The following WNT5A variants were observed in gnomAD, a reference collection of about 807,000 sequenced individuals.
WNT5A encodes protein Wnt-5a.
In WNT5A, 9 loss-of-function variants were observed where a neutral mutation model predicts 42.1. The ratio of observed to expected loss-of-function variants is 0.21; its 90% confidence interval spans 0.13 to 0.37. The LOEUF (loss-of-function observed/expected upper bound fraction) is 0.37, where lower values mean the gene tolerates loss of function less well. WNT5A is among the 10% of genes least tolerant of loss of function. The pLI, the probability that WNT5A is intolerant of heterozygous loss-of-function variation, is 1.00. For synonymous variants in WNT5A, 210 were observed against 210.0 expected (o/e 1.00, Z 0.00); for missense variants, 426 against 534.0 (o/e 0.80, Z 1.99).
chr3:55,492,996 T>A (rs1219375397), upstream of WNT5A, among the ~76,000 whole-genome samples: 1 of 152,220 alleles, frequency 6.6e-6, no homozygotes, highest in Non-Finnish European at 1.5e-5. Flanking sequence ...TCAATGGAAC[T>A]GTCAAAGATT....
the WNT5A span, among the ~76,000 whole-genome samples, chr3:55,502,940 G>T: frequency 6.6e-6 from 1 of 152,176 alleles, no homozygotes; most frequent in Non-Finnish European, 1.5e-5. Context: ...TTCTAACCAG[G>T]CCCACATTTC....
chr3:55,475,000 G>A (rs1267394259), intron 3 of WNT5A, among the ~76,000 whole-genome samples: 4 of 151,766 alleles, frequency 2.6e-5, no homozygotes, highest in Admixed American at 2.0e-4. Context: ...CACGCACCAG[G>A]CCCTGGGCCC....
At chr3:55,481,707 C>T (rs2051468961) in intron 1 of WNT5A, among the ~76,000 whole-genome samples, 1 of 151,886 alleles carries the variant, frequency 6.6e-6, no homozygotes, top group South Asian at 2.1e-4. Flanking sequence ...AGAGAGAGGT[C>T]GGGTCTCCCA....
At chr3:55,479,147 G>T in intron 3 of WNT5A, 167 bp downstream of exon 3, 1 of 643,028 alleles carries the variant, frequency 1.6e-6, no homozygotes, top group Non-Finnish European at 2.4e-6. Context: ...TCAGGTGTAG[G>T]GACAGGAATT....
At chr3:55,474,938 G>T (rs368127355) in intron 3 of WNT5A, among the ~76,000 whole-genome samples, 10 of 139,230 alleles carry the variant, frequency 7.2e-5, no homozygotes, top group African/African-American at 2.4e-4. Context: ...GAGATGGGGG[G>T]GTAGGGGGTA....
upstream of WNT5A, among the ~76,000 whole-genome samples, chr3:55,495,239 C>T (rs191526106): frequency 2.6e-5 from 4 of 152,264 alleles, no homozygotes; most frequent in African/African-American, 7.2e-5. Flanking sequence ...GTACACAATA[C>T]CTTGTTATTA....
At chr3:55,484,519 G>A (rs2051535409) in intron 1 of WNT5A, among the ~76,000 whole-genome samples, 1 of 152,198 alleles carries the variant, frequency 6.6e-6, no homozygotes, top group South Asian at 2.1e-4. Context: ...GTTACACCTT[G>A]AGCCAGAATC....
chr3:55,474,506 T>C lies in WNT5A; in HGVS notation c.515A>G (p.Asp172Gly). The change falls in exon 4 of 5, where the codon GAC (aspartate) becomes GGC (glycine). Residue 172 changes from aspartate (D) to glycine (G), a missense_variant. This residue lies in a region of WNT5A where 358 missense variants were observed against 468.1 expected (regional missense o/e 0.76). Coordinates refer to ENST00000264634, the MANE Select transcript of WNT5A (RefSeq NM_003392.7). ...GCCCCAGAGCCAGTCCCGCGGCAGG[T>C]CCTTGGGGCGCGCGGCGCGGCTGCA... ...CGCSRAARPK[D>G]LPRDWLWGGC... 1 of 1,580,064 alleles carries C rather than the reference T, an allele frequency of 6.3e-7. No individual in the cohort carries two copies. Among genetic ancestry groups the C allele is most frequent in the Non-Finnish European group, 8.6e-7 (1 of 1,165,362 alleles).
In WNT5A at chr3:55,474,617, G is replaced by T. The variant is rs550768554; in HGVS notation, c.404C>A (p.Thr135Lys). Residue 135 changes from threonine to lysine, a missense_variant, in exon 4 of 5, where the codon ACG (threonine) becomes AAG (lysine). Around this residue, in one of 3 missense-constraint regions of WNT5A, gnomAD observed 358 missense variants for 468.1 expected, o/e 0.76. Coordinates refer to ENST00000264634, the MANE Select transcript of WNT5A (RefSeq NM_003392.7). ...TGCGCTCACCGCGTATGTGAAGGCC[G>T]TCTCGCGGCTGCCTGTGGGTGAGGA... ...GRVMQIGSRE[T>K]AFTYAVSAAG... 7.0e-7 allele frequency: 1 copy of T among 1,429,492 alleles called. No individual in the cohort carries two copies. Among genetic ancestry groups the T allele is most frequent in the South Asian group, 1.5e-5 (1 of 66,334 alleles). The allele number at this position is 1,429,492 out of a possible 1,614,324, so 88.6% of individuals were successfully genotyped here. A position where few individuals can be genotyped will look rare whatever the true frequency, so the allele number is the denominator to read the frequency against.
chr3:55,496,587 C>G, the WNT5A span, among the ~76,000 whole-genome samples: 6 of 152,186 alleles, frequency 3.9e-5, no homozygotes, highest in Non-Finnish European at 8.8e-5. Flanking sequence ...TTGTGGACAA[C>G]CCTCTTCTGC....
At chr3:55,475,051 G>C (rs372089732) in intron 3 of WNT5A, among the ~76,000 whole-genome samples, 8 of 152,132 alleles carry the variant, frequency 5.3e-5, no homozygotes, top group African/African-American at 1.7e-4. Flanking sequence ...AAAACACACA[G>C]AAGCAACAAT....
chr3:55,498,954 A>T, the WNT5A span, among the ~76,000 whole-genome samples: 1 of 152,156 alleles, frequency 6.6e-6, no homozygotes, highest in Non-Finnish European at 1.5e-5. Context: ...AAAATGAGAC[A>T]CTGGTCTTCT....
In WNT5A at chr3:55,469,966, A is replaced by G; in HGVS notation, c.*126T>C. On this transcript the variant is annotated 3_prime_UTR_variant, in exon 5 of 5. Transcript: ENST00000264634. ...AGTTCTTAGATGGTAACAGGAAAAA[A>G]AATGGTTCCGGTTGCAATTCTTGGG... 9.1e-7 allele frequency: 1 copy of G among 1,098,742 alleles called. No homozygotes were observed. Among genetic ancestry groups the G allele is most frequent in the Non-Finnish European group, 1.3e-6 (1 of 753,194 alleles). The allele number at this position is 1,098,742 out of a possible 1,614,324, so 68.1% of individuals were successfully genotyped here.
chr3:55,488,089 G>T (rs1305268242), upstream of WNT5A: 1 of 152,284 alleles, frequency 6.6e-6, no homozygotes, highest in Non-Finnish European at 1.5e-5. Flanking sequence ...GCGGTCCATG[G>T]CCGGCGAAGC....
intron 1 of WNT5A, among the ~76,000 whole-genome samples, chr3:55,485,757 G>C (rs2051566319): frequency 6.6e-6 from 1 of 152,140 alleles, no homozygotes; most frequent in African/African-American, 2.4e-5. Flanking sequence ...AGAGAAGAGA[G>C]AAAAGAGAGG....
intron 1 of WNT5A, chr3:55,481,443 G>T (rs537294490): frequency 1.0e-6 from 1 of 979,048 alleles, no homozygotes; most frequent in East Asian, 1.1e-4. Flanking sequence ...GGCCAGCGCG[G>T]GGGGTGGAGG....
chr3:55,474,649 AT>A lies in WNT5A; in HGVS notation c.392-21del. 7.7e-7 allele frequency: 1 copy of A among 1,295,608 alleles called. No individual in the cohort carries two copies. Among genetic ancestry groups the A allele is most frequent in the Non-Finnish European group, 9.8e-7 (1 of 1,023,596 alleles). The allele number at this position is 1,295,608 out of a possible 1,614,324, so 80.3% of individuals were successfully genotyped here. ...GGCTGCCTGTGGGTGAGGACAAGGG[AT>A]CACTGGCCGCCTGCCTCACGCGCTG... On this transcript the variant is annotated intron_variant, in intron 3 of 4. Transcript: ENST00000264634.
Position 55,470,325 on chromosome 3 carries a change from G to T in WNT5A, c.910C>A (p.Pro304Thr). The change falls in exon 5 of 5, where the codon CCC becomes ACC. Residue 304 changes from proline (P) to threonine (T), a missense_variant. Transcript: ENST00000264634. The part of the protein sequence containing the change: ...PTTQDLVYID[P>T]SPDYCVRNES... Reference sequence around the variant, plus strand: ...TTGCGCACGCAGTAGTCAGGGCTGGGGTCGATGTAGACCAGGTCTTGTGTG... The same window carrying T: ...TTGCGCACGCAGTAGTCAGGGCTGGTGTCGATGTAGACCAGGTCTTGTGTG... The T allele has an allele frequency of 6.2e-7, 1 of 1,614,088 alleles. No individual in the cohort carries two copies.
chr3:55,474,600 C>A lies in WNT5A; in HGVS notation c.421G>T (p.Val141Leu), dbSNP rs1439785154. 6.9e-7 allele frequency: 1 copy of A among 1,454,164 alleles called. No homozygotes were observed. Among genetic ancestry groups the A allele is most frequent in the Non-Finnish European group, 9.0e-7 (1 of 1,106,794 alleles). The allele number at this position is 1,454,164 out of a possible 1,614,324, so 90.1% of individuals were successfully genotyped here. The change falls in exon 4 of 5, where the codon GTG becomes TTG. Residue 141 changes from valine to leucine, a missense_variant. Around this residue, in one of 3 missense-constraint regions of WNT5A, gnomAD observed 358 missense variants for 468.1 expected, o/e 0.76. Coordinates refer to ENST00000264634, the MANE Select transcript of WNT5A (RefSeq NM_003392.7). ...GSRETAFTYA[V>L]SAAGVVNAMS... ...GCGTTCACCACCCCTGCTGCGCTCACCGCGTATGTGAAGGCCGTCTCGCGG... is the reference window on the plus strand; with the variant it reads ...GCGTTCACCACCCCTGCTGCGCTCAACGCGTATGTGAAGGCCGTCTCGCGG...
Sources: gnomAD v4.1 joint callset for allele counts (sites outside exome capture counted in the v4.1 genomes callset) on GRCh38, gnomAD v4.1.1 for gene constraint, gnomAD v4.1.1 regional missense constraint, MANE v1.5 for transcripts, NCBI Gene and HGNC (gene_info 2026-07-23, HGNC 2026-07-21) for gene names.